The following PIK3C2A variants were observed in gnomAD, a reference collection of about 807,000 sequenced individuals.
PIK3C2A encodes the protein phosphatidylinositol 4-phosphate 3-kinase C2 domain-containing subunit alpha.
A neutral mutation model predicts 204.5 loss-of-function variants in PIK3C2A; 97 were observed. That is an observed-to-expected ratio of 0.47 (90% confidence interval 0.40 to 0.56). PIK3C2A has a LOEUF of 0.56. Among genes scored for constraint, PIK3C2A ranks in the 20% least tolerant of loss-of-function variants. The pLI is 0.00. For missense variants in PIK3C2A, 1,735 were observed against 1,969.2 expected (o/e 0.88, Z 2.25); for synonymous variants, 653 against 664.4 (o/e 0.98, Z 0.26).
intron 22 of PIK3C2A, among the ~76,000 whole-genome samples, chr11:17,107,881 T>C (rs1294359495): frequency 7.8e-6 from 1 of 128,326 alleles, no homozygotes; most frequent in African/African-American, 2.8e-5. Context: ...TTTTTTCTGG[T>C]TGTTTTCTGA....
chr11:17,166,421 A>T (rs1202430903), intron 2 of PIK3C2A, among the ~76,000 whole-genome samples: 2 of 152,252 alleles, frequency 1.3e-5, no homozygotes, highest in Non-Finnish European at 2.9e-5. Context: ...AACTTGCTTA[A>T]GATGATGACT....
chr11:17,201,952 G>A (rs947039034), intron 1 of PIK3C2A, among the ~76,000 whole-genome samples: 6 of 152,112 alleles, frequency 3.9e-5, no homozygotes, highest in Non-Finnish European at 5.9e-5. Context: ...CATATGAAGA[G>A]ATTCAATGAA....
At chr11:17,171,625 C>T (rs1851166409) in intron 1 of PIK3C2A, among the ~76,000 whole-genome samples, 1 of 152,108 alleles carries the variant, frequency 6.6e-6, no homozygotes, top group Admixed American at 6.6e-5. Flanking sequence ...CTGTGGTAGA[C>T]TACAAAGCAT....
chr11:17,184,587 A>T (rs541470909), intron 1 of PIK3C2A, among the ~76,000 whole-genome samples: 11 of 152,288 alleles, frequency 7.2e-5, no homozygotes, highest in Non-Finnish European at 1.0e-4. Flanking sequence ...AAAAAAAATT[A>T]AAAAGTTTAT....
At chr11:17,149,542 T>G (rs916670313) in intron 4 of PIK3C2A, among the ~76,000 whole-genome samples, 3 of 152,118 alleles carry the variant, frequency 2.0e-5, no homozygotes, top group African/African-American at 7.2e-5. Context: ...AAGAAAAAGA[T>G]TCACCATTTT....
intron 20 of PIK3C2A, among the ~76,000 whole-genome samples, chr11:17,114,060 AGAGT>A (rs1849088753): frequency 7.2e-6 from 1 of 139,652 alleles, no homozygotes; most frequent in Admixed American, 7.5e-5. Flanking sequence ...AGCTTGGGCA[AGAGT>A]GAGACTTTGT....
chr11:17,178,721 T>A (rs1410296145), intron 1 of PIK3C2A, among the ~76,000 whole-genome samples: 3 of 133,844 alleles, frequency 2.2e-5, no homozygotes, highest in Non-Finnish European at 4.8e-5. Flanking sequence ...GAATTTTTTT[T>A]TTTTTTTTTT....
intron 15 of PIK3C2A, among the ~76,000 whole-genome samples, chr11:17,121,186 T>C (rs531168624): frequency 4.6e-5 from 7 of 152,278 alleles, no homozygotes; most frequent in Middle Eastern, 3.4e-3. Context: ...GATGAGATCA[T>C]AGATCACTGC....
intron 1 of PIK3C2A, among the ~76,000 whole-genome samples, chr11:17,207,606 G>A (rs1010384755): frequency 2.0e-5 from 3 of 152,112 alleles, no homozygotes; most frequent in African/African-American, 7.2e-5. Context: ...TGGTGGGGAC[G>A]CGGGCTCCTC....
intron 8 of PIK3C2A, among the ~76,000 whole-genome samples, chr11:17,142,260 T>C (rs1002563072): frequency 5.3e-5 from 8 of 152,158 alleles, no homozygotes; most frequent in Admixed American, 3.9e-4. Flanking sequence ...AGGTTAGACA[T>C]ATAAATTTCA....
intron 25 of PIK3C2A, among the ~76,000 whole-genome samples, chr11:17,100,442 G>A (rs1313566396): frequency 2.0e-5 from 3 of 151,628 alleles, no homozygotes; most frequent in Admixed American, 6.6e-5. Context: ...GGCTGGTCTC[G>A]AACTCCTGAC....
chr11:17,105,224 T>G lies in PIK3C2A; in HGVS notation c.3626A>C (p.Lys1209Thr), dbSNP rs1204613962. 5 of 1,611,792 alleles carry G rather than the reference T, an allele frequency of 3.1e-6. No homozygotes were observed. The highest frequency in any genetic ancestry group is 4.2e-6 in the Non-Finnish European group (5 of 1,178,200). The change falls in exon 23 of 33, where the codon AAA becomes ACA. Residue 1209 changes from lysine to threonine, a missense_variant. This residue lies in a region of PIK3C2A where 503 missense variants were observed against 669.0 expected (regional missense o/e 0.75). Coordinates refer to ENST00000691414, the MANE Select transcript of PIK3C2A (RefSeq NM_002645.4). Reference sequence around the variant, plus strand: ...TTTCCTTAGCCACTCTGCAAGTGGTTTATCTTTAAAGGATCCTGTCACACC... The same window carrying G: ...TTTCCTTAGCCACTCTGCAAGTGGTGTATCTTTAAAGGATCCTGTCACACC... ...EYGVTGSFKD[K>T]PLAEWLRKYN...
intron 8 of PIK3C2A, among the ~76,000 whole-genome samples, chr11:17,143,631 A>C (rs935643559): frequency 1.0e-3 from 154 of 152,138 alleles, no homozygotes; most frequent in Non-Finnish European, 1.6e-3. Context: ...GTTAAAAAAA[A>C]AAAAAACAAA....
At chr11:17,184,746 C>A (rs531445912) in intron 1 of PIK3C2A, among the ~76,000 whole-genome samples, 3 of 152,114 alleles carry the variant, frequency 2.0e-5, no homozygotes, top group South Asian at 4.1e-4. Context: ...CCAGCCTGGG[C>A]AATGTAGCGA....
intron 22 of PIK3C2A, among the ~76,000 whole-genome samples, chr11:17,110,116 C>T (rs1282887095): frequency 1.3e-5 from 2 of 152,010 alleles, no homozygotes; most frequent in Non-Finnish European, 2.9e-5. Flanking sequence ...CCACACCTGG[C>T]TAATTTTTGC....
intron 22 of PIK3C2A, among the ~76,000 whole-genome samples, chr11:17,107,258 A>C (rs1426814041): frequency 1.3e-5 from 2 of 152,206 alleles, no homozygotes; most frequent in Non-Finnish European, 2.9e-5. Flanking sequence ...GCTTGCAGTG[A>C]GCTGAGATGG....
chr11:17,161,118 G>T (rs1440342531), intron 2 of PIK3C2A, among the ~76,000 whole-genome samples: 1 of 152,170 alleles, frequency 6.6e-6, no homozygotes, highest in Non-Finnish European at 1.5e-5. Context: ...ACTCTGTAAA[G>T]TAGTTACAAG....
At chr11:17,183,581 T>C (rs1053237408) in intron 1 of PIK3C2A, among the ~76,000 whole-genome samples, 28 of 152,072 alleles carry the variant, frequency 1.8e-4, no homozygotes, top group African/African-American at 6.8e-4. Context: ...CTTGGGAGGC[T>C]GAGGCAGGAG....
chr11:17,143,693 A>G (rs922279976), intron 8 of PIK3C2A, among the ~76,000 whole-genome samples: 5 of 152,014 alleles, frequency 3.3e-5, no homozygotes, highest in African/African-American at 1.2e-4. Context: ...TTCCAGCACT[A>G]TGGGAGGCCA....
Sources: gnomAD v4.1 joint callset for allele counts (sites outside exome capture counted in the v4.1 genomes callset) on GRCh38, gnomAD v4.1.1 for gene constraint, gnomAD v4.1.1 regional missense constraint, MANE v1.5 for transcripts, NCBI Gene and HGNC (gene_info 2026-07-23, HGNC 2026-07-21) for gene names.